The following FRMD3 variants were observed in gnomAD, a reference collection of about 807,000 sequenced individuals.
The protein encoded by FRMD3 is FERM domain containing 3.
In FRMD3, 33 loss-of-function variants were observed where a neutral mutation model predicts 70.2. The ratio of observed to expected loss-of-function variants is 0.47; its 90% CI spans 0.36 to 0.63. FRMD3 has a LOEUF of 0.63. FRMD3 is among the 20% of genes least tolerant of loss of function. The pLI is 0.00. For missense variants in FRMD3, 632 were observed against 711.4 expected (o/e 0.89, Z 1.27); for synonymous variants, 279 against 255.9 (o/e 1.09, Z -0.86).
intron 1 of FRMD3, among the ~76,000 whole-genome samples, chr9:83,536,436 G>A (rs1189784303): frequency 6.6e-6 from 1 of 152,088 alleles, no homozygotes; most frequent in Admixed American, 6.5e-5. Flanking sequence ...TCTCCCTGAC[G>A]GCCCCTCCAT....
intron 3 of FRMD3, among the ~76,000 whole-genome samples, chr9:83,360,661 C>A (rs1824553529): frequency 6.6e-6 from 1 of 152,158 alleles, no homozygotes; most frequent in Admixed American, 6.5e-5. Context: ...GTCACACTAC[C>A]CCGCTTCCCA....
At chr9:83,489,574 G>C (rs545037878) in intron 1 of FRMD3, among the ~76,000 whole-genome samples, 1 of 152,118 alleles carries the variant, frequency 6.6e-6, no homozygotes, top group African/African-American at 2.4e-5. Context: ...TCTCACACCA[G>C]TCAGATGGCT....
At chr9:83,311,805 C>T in intron 8 of FRMD3, 82 bp downstream of exon 8, 1 of 938,182 alleles carries the variant, frequency 1.1e-6, no homozygotes, top group Non-Finnish European at 1.7e-6. Context: ...TTCTACCTGA[C>T]ACTTGCCCGA....
At chr9:83,340,257 C>T (rs1823712513) in intron 5 of FRMD3, among the ~76,000 whole-genome samples, 1 of 152,202 alleles carries the variant, frequency 6.6e-6, no homozygotes, top group South Asian at 2.1e-4. Flanking sequence ...ATTCATTTAA[C>T]ATATTTAGTG....
At chr9:83,416,273 G>T (rs1206005661) in intron 1 of FRMD3, among the ~76,000 whole-genome samples, 2 of 152,190 alleles carry the variant, frequency 1.3e-5, no homozygotes, top group Admixed American at 1.3e-4. Context: ...TTTTAAAAGT[G>T]TCAATCAAGA....
At chr9:83,577,250 G>T in the FRMD3 span, among the ~76,000 whole-genome samples, 1 of 151,768 alleles carries the variant, frequency 6.6e-6, no homozygotes, top group Non-Finnish European at 1.5e-5. Flanking sequence ...AAATATAAAG[G>T]ACCCAGAGCA....
chr9:83,448,705 T>C (rs1827553269), intron 1 of FRMD3, among the ~76,000 whole-genome samples: 1 of 152,170 alleles, frequency 6.6e-6, no homozygotes, highest in Non-Finnish European at 1.5e-5. Context: ...GCAGATCTGA[T>C]TTTCAAGCTT....
the FRMD3 span, among the ~76,000 whole-genome samples, chr9:83,559,160 A>C: frequency 6.6e-6 from 1 of 152,236 alleles, no homozygotes; most frequent in Admixed American, 6.5e-5. Flanking sequence ...AAAGGCTATC[A>C]AACAGCATCA....
intron 13 of FRMD3, among the ~76,000 whole-genome samples, chr9:83,257,536 T>C (rs1046477139): frequency 6.6e-6 from 1 of 152,162 alleles, no homozygotes; most frequent in Admixed American, 6.5e-5. Flanking sequence ...AAAAAAAATC[T>C]TGAGTGTAAA....
At chr9:83,377,799 G>A (rs1825196342) in intron 2 of FRMD3, among the ~76,000 whole-genome samples, 1 of 151,976 alleles carries the variant, frequency 6.6e-6, no homozygotes, top group Non-Finnish European at 1.5e-5. Flanking sequence ...CCAGTCTCAG[G>A]TATTTCTTCA....
intron 13 of FRMD3, among the ~76,000 whole-genome samples, chr9:83,286,643 C>A (rs1248193418): frequency 1.3e-5 from 2 of 152,122 alleles, no homozygotes; most frequent in African/African-American, 4.8e-5. Context: ...TTAGACAACA[C>A]TTTTAACAGG....
In FRMD3 at chr9:83,247,947, G is replaced by C; in HGVS notation, c.1765C>G (p.Leu589Val). 6.2e-7 allele frequency: 1 copy of C among 1,614,150 alleles called. No individual in the cohort carries two copies. Reference protein sequence around the residue: ...LKEWVAGKVHLILYMLGCS With the variant: ...LKEWVAGKVHVILYMLGCS ...GAGCAACCCAGCATGTAGAGGATGA[G>C]GTGGACTTTCCCAGCCACCCACTCC... is the stretch of plus-strand genomic sequence containing the variant. Residue 589 changes from leucine (L) to valine (V), a missense_variant, in exon 14 of 14, where the codon CTC (leucine) becomes GTC (valine). This residue lies in a region of FRMD3 where 418 missense variants were observed against 442.1 expected (regional missense o/e 0.95). Transcript: ENST00000304195.
chr9:83,496,114 G>T (rs564802634), intron 1 of FRMD3, among the ~76,000 whole-genome samples: 8 of 152,062 alleles, frequency 5.3e-5, no homozygotes, highest in Non-Finnish European at 1.2e-4. Context: ...TCTGGTGCCT[G>T]CTCCACAAGA....
chr9:83,545,031 CA>C, the FRMD3 span, among the ~76,000 whole-genome samples: 1 of 151,882 alleles, frequency 6.6e-6, no homozygotes, highest in African/African-American at 2.4e-5. Context: ...GGATCCTAAC[CA>C]AAATGAAAAT....
downstream of FRMD3, chr9:83,243,120 C>T: frequency 2.8e-6 from 4 of 1,423,830 alleles, no homozygotes; most frequent in Non-Finnish European, 3.9e-6. Flanking sequence ...CCGAACTTAC[C>T]CACCCAGTCA....
chr9:83,583,978 T>A, the FRMD3 span, among the ~76,000 whole-genome samples: 1 of 152,204 alleles, frequency 6.6e-6, no homozygotes. Context: ...CTCTTCAGCC[T>A]CCTTCGATAG....
At chr9:83,553,337 A>T in the FRMD3 span, among the ~76,000 whole-genome samples, 1 of 152,206 alleles carries the variant, frequency 6.6e-6, no homozygotes, top group Admixed American at 6.5e-5. Flanking sequence ...CAGCTGAAAG[A>T]TCAGCTGTTA....
In FRMD3 at chr9:83,270,217, A is replaced by T. The variant is rs997682190; in HGVS notation, c.1195+20386T>A. 5.9e-5 allele frequency among the ~76,000 whole-genome samples: 9 copies of T among 152,226 alleles called. 1 individual carries two copies. Among genetic ancestry groups the T allele is most frequent in the African/African-American group, 1.9e-4 (8 of 41,460 alleles). Reference sequence around the variant, plus strand: ...GAATGCATGTCTGGGCAGTGACAAGAGGCCAAAGAAAGCAGAAGATGTGTG... The same window carrying T: ...GAATGCATGTCTGGGCAGTGACAAGTGGCCAAAGAAAGCAGAAGATGTGTG... On this transcript the variant is annotated intron_variant, in intron 13 of 13. Transcript: ENST00000304195.
At chr9:83,451,929 TC>T (rs1292235539) in intron 1 of FRMD3, among the ~76,000 whole-genome samples, 1 of 152,210 alleles carries the variant, frequency 6.6e-6, no homozygotes, top group East Asian at 1.9e-4. Context: ...CTGTCAAGGA[TC>T]CCCAGTAGAT....
Sources: gnomAD v4.1 joint callset for allele counts (sites outside exome capture counted in the v4.1 genomes callset) on GRCh38, gnomAD v4.1.1 for gene constraint, gnomAD v4.1.1 regional missense constraint, MANE v1.5 for transcripts, NCBI Gene and HGNC (gene_info 2026-07-23, HGNC 2026-07-21) for gene names.